The following LGSN variants were observed in gnomAD, a reference collection of about 807,000 sequenced individuals.
LGSN encodes the protein lengsin, lens protein with glutamine synthetase domain, also known as lengsin.
A neutral mutation model predicts 19.5 loss-of-function variants in LGSN; 21 were observed. The observed-to-expected ratio is 1.07, with a 90% CI of 0.76 to 1.55. The LOEUF (loss-of-function observed/expected upper bound fraction) is 1.55. Among genes scored for constraint, LGSN ranks in the 40% most tolerant of loss-of-function variants. LGSN has a pLI of 0.00. For synonymous variants in LGSN, 257 were observed against 215.6 expected, an observed-to-expected ratio of 1.19 and a Z score of -1.68; for missense variants, 673 against 608.5, an observed-to-expected ratio of 1.11 and a Z score of -1.12.
chr6:63,467,983 G>C, the LGSN span, among the ~76,000 whole-genome samples: 1 of 151,488 alleles, frequency 6.6e-6, no homozygotes, highest in Non-Finnish European at 1.5e-5. Context: ...TGAGGCACCG[G>C]GCCCGGTCTT....
intron 3 of LGSN, among the ~76,000 whole-genome samples, chr6:63,281,441 C>T (rs997634370): frequency 2.0e-5 from 3 of 149,664 alleles, no homozygotes; most frequent in Non-Finnish European, 4.4e-5. Flanking sequence ...ATAAACAATG[C>T]ATTGTTTTAA....
chr6:63,486,682 CTTTTTTTTTT>C, the LGSN span, among the ~76,000 whole-genome samples: 35 of 115,850 alleles, frequency 3.0e-4, no homozygotes, highest in Admixed American at 6.0e-4. Flanking sequence ...TTATTTTCTT[CTTTTTTTTTT>C]TTTTTTTTTT....
At chr6:63,566,365 A>G in the LGSN span, among the ~76,000 whole-genome samples, 1 of 152,216 alleles carries the variant, frequency 6.6e-6, no homozygotes, top group Non-Finnish European at 1.5e-5. Context: ...TGGAGTTTAC[A>G]TGAAAATTTA....
the LGSN span, among the ~76,000 whole-genome samples, chr6:63,399,461 C>T: frequency 6.7e-6 from 1 of 148,752 alleles, no homozygotes; most frequent in South Asian, 2.1e-4. Flanking sequence ...GTGGCATGAT[C>T]TTGGCTCACT....
the LGSN span, among the ~76,000 whole-genome samples, chr6:63,559,787 G>A: frequency 1.1e-3 from 164 of 152,126 alleles, 1 homozygote; most frequent in Non-Finnish European, 1.7e-3. Context: ...AGGCATGGTC[G>A]TTCATGCATA....
the LGSN span, among the ~76,000 whole-genome samples, chr6:63,338,493 T>A: frequency 1.3e-5 from 2 of 152,138 alleles, no homozygotes; most frequent in African/African-American, 4.8e-5. Context: ...TGGCATATGG[T>A]TTTTCATAAC....
intron 2 of LGSN, among the ~76,000 whole-genome samples, chr6:63,288,912 A>G (rs1486927316): frequency 1.3e-5 from 2 of 152,258 alleles, no homozygotes; most frequent in African/African-American, 4.8e-5. Flanking sequence ...ATTCAGCCAC[A>G]CTATCAGGTA....
At chr6:63,325,075 G>A in the LGSN span, among the ~76,000 whole-genome samples, 1 of 137,024 alleles carries the variant, frequency 7.3e-6, no homozygotes, top group South Asian at 2.3e-4. Flanking sequence ...CTGCACTCCA[G>A]CCTAGAAGAC....
chr6:63,357,291 A>G, the LGSN span, among the ~76,000 whole-genome samples: 1 of 152,154 alleles, frequency 6.6e-6, no homozygotes, highest in Non-Finnish European at 1.5e-5. Context: ...CTCAGTGAAC[A>G]TATGTGTGCA....
the LGSN span, among the ~76,000 whole-genome samples, chr6:63,524,233 C>T: frequency 6.6e-6 from 1 of 152,164 alleles, no homozygotes; most frequent in East Asian, 1.9e-4. Flanking sequence ...AATCTGACTG[C>T]CTTGGCCTCC....
chr6:63,307,556 C>T (rs552476897), intron 1 of LGSN, among the ~76,000 whole-genome samples: 1 of 152,308 alleles, frequency 6.6e-6, no homozygotes, highest in East Asian at 1.9e-4. Context: ...TAGAGTGGAC[C>T]ATTAAGAGGC....
chr6:63,380,192 G>T, the LGSN span, among the ~76,000 whole-genome samples: 1 of 152,086 alleles, frequency 6.6e-6, no homozygotes, highest in Non-Finnish European at 1.5e-5. Flanking sequence ...CATTTACAGG[G>T]TTTTGTTTTG....
chr6:63,460,882 A>G, the LGSN span, among the ~76,000 whole-genome samples: 1 of 152,206 alleles, frequency 6.6e-6, no homozygotes, highest in Non-Finnish European at 1.5e-5. Flanking sequence ...AACAGTAGCC[A>G]ATAGACAACA....
chr6:63,355,049 A>G, the LGSN span, among the ~76,000 whole-genome samples: 1 of 152,130 alleles, frequency 6.6e-6, no homozygotes. Context: ...TTCCATAGCA[A>G]AGAAGGGTGA....
At chr6:63,421,622 G>A in the LGSN span, among the ~76,000 whole-genome samples, 4 of 152,126 alleles carry the variant, frequency 2.6e-5, no homozygotes, top group Non-Finnish European at 5.9e-5. Context: ...CAGCTATTCA[G>A]GAGGCTGAGG....
At chr6:63,285,492 G>T in intron 3 of LGSN, 95 bp downstream of exon 3, 1 of 988,640 alleles carries the variant, frequency 1.0e-6, no homozygotes, top group Non-Finnish European at 1.5e-6. Context: ...TTGAATTGCT[G>T]TATAAGATTA....
At chr6:63,399,538 T>G in the LGSN span, among the ~76,000 whole-genome samples, 2 of 147,042 alleles carry the variant, frequency 1.4e-5, no homozygotes, top group East Asian at 2.1e-4. Flanking sequence ...GGGATTACAG[T>G]TGCCTGCCAC....
At chr6:63,413,654 C>T in the LGSN span, among the ~76,000 whole-genome samples, 2 of 152,146 alleles carry the variant, frequency 1.3e-5, no homozygotes, top group Admixed American at 1.3e-4. Flanking sequence ...TCATTTTCCA[C>T]CCACTATATG....
At chr6:63,521,379 A>G in the LGSN span, among the ~76,000 whole-genome samples, 1 of 152,176 alleles carries the variant, frequency 6.6e-6, no homozygotes, top group Admixed American at 6.6e-5. Context: ...TCAATTCAGC[A>G]TTTTTCTCCC....
Sources: allele counts gnomAD v4.1 joint callset (sites outside exome capture counted in the v4.1 genomes callset), GRCh38; gene constraint gnomAD v4.1.1; transcripts MANE v1.5; gene names NCBI Gene and HGNC (gene_info 2026-07-23, HGNC 2026-07-21).